RUNX1T1: variants seen among roughly 807,000 people sequenced by gnomAD.
The protein encoded by RUNX1T1 is protein CBFA2T1.
A neutral mutation model predicts 62.8 loss-of-function variants in RUNX1T1; 4 were observed. The ratio of observed to expected loss-of-function variants is 0.06; its 90% CI spans 0.03 to 0.15. RUNX1T1 has a LOEUF of 0.15. RUNX1T1 is among the 10% of genes least tolerant of loss of function. The pLI, the probability that RUNX1T1 is intolerant of heterozygous loss-of-function variation, is 1.00. For synonymous variants in RUNX1T1, 291 were observed against 286.0 expected, an observed-to-expected ratio of 1.02 and a Z score of -0.18; for missense variants, 508 against 754.3, an observed-to-expected ratio of 0.67 and a Z score of 3.82.
chr8:92,079,859 C>T (rs931410845), intron 1 of RUNX1T1, among the ~76,000 whole-genome samples: 2 of 152,196 alleles, frequency 1.3e-5, no homozygotes, highest in Admixed American at 6.5e-5. Flanking sequence ...ACTGACTTCA[C>T]GGCCCTTCCC....
chr8:92,098,011 T>C (rs1837865793), intron 1 of RUNX1T1, among the ~76,000 whole-genome samples: 1 of 152,214 alleles, frequency 6.6e-6, no homozygotes, highest in Non-Finnish European at 1.5e-5. Context: ...TAATTTCAAC[T>C]AGTTCTTTTC....
chr8:92,051,761 T>C (rs1830290254), intron 1 of RUNX1T1, among the ~76,000 whole-genome samples: 1 of 152,076 alleles, frequency 6.6e-6, no homozygotes, highest in Non-Finnish European at 1.5e-5. Flanking sequence ...GCAAGGGATG[T>C]TTCCTCCCCC....
intron 1 of RUNX1T1, among the ~76,000 whole-genome samples, chr8:92,019,343 G>A (rs757438247): frequency 1.3e-5 from 2 of 152,048 alleles, no homozygotes; most frequent in South Asian, 2.1e-4. Flanking sequence ...ACACTCACAC[G>A]GAACTGTTAG....
intron 1 of RUNX1T1, among the ~76,000 whole-genome samples, chr8:92,042,952 ACATTTTTATTCAAG>A (rs1828725005): frequency 6.6e-6 from 1 of 152,114 alleles, no homozygotes; most frequent in Non-Finnish European, 1.5e-5. Context: ...AAAAACAACC[ACATTTTTATTCAAG>A]CATGTGAGCT....
rs1320933692 is a variant in RUNX1T1, at chr8:92,094,997, A to C, written c.-86+4583T>G. The C allele has an allele frequency of 4.0e-6, 6 of 1,503,328 alleles. No homozygotes were observed. The African/African-American group carries it at 6.9e-5, about 17-fold the overall frequency. 93.1% of individuals were successfully genotyped at this position (1,503,328 alleles called of 1,614,324 possible). A position where few individuals can be genotyped will look rare whatever the true frequency, so the allele number is the denominator to read the frequency against. ...TATTCAGACTGGCAAAACTAAACCC[A>C]ATTAAAGATAAGGCCCTCCGGTATT... On this transcript the variant is annotated intron_variant, in intron 1 of 11. Coordinates refer to the RUNX1T1 transcript ENST00000265814.
intron 1 of RUNX1T1, among the ~76,000 whole-genome samples, chr8:92,051,624 ACTCT>A (rs58500025): frequency 3.5e-5 from 4 of 113,146 alleles, no homozygotes; most frequent in East Asian, 4.4e-4. Context: ...TCTCTCTCTC[ACTCT>A]CTCTCTCTCT....
intron 1 of RUNX1T1, 170 bp from the exon 3 acceptor site, chr8:92,017,533 C>T (rs757334092): frequency 1.0e-4 from 158 of 1,506,908 alleles, no homozygotes; most frequent in Non-Finnish European, 1.4e-4. Context: ...CCAAACCCCA[C>T]TTAAGAAGGT....
chr8:92,027,032 C>T (rs1311052248), intron 1 of RUNX1T1, among the ~76,000 whole-genome samples: 21 of 148,646 alleles, frequency 1.4e-4, no homozygotes, highest in Admixed American at 3.4e-4. Context: ...AGGAGAATGG[C>T]GTGAACCCGG....
At chr8:92,020,014 A>G (rs1363586956) in intron 1 of RUNX1T1, among the ~76,000 whole-genome samples, 3 of 152,196 alleles carry the variant, frequency 2.0e-5, no homozygotes, top group African/African-American at 7.2e-5. Context: ...CAGGGTTTTT[A>G]CATTAGCCAA....
rs145074896 is a variant in RUNX1T1, at chr8:91,978,819, C to A, written c.1199-2846G>T. Among the ~76,000 whole-genome samples the A allele has an allele frequency of 5.3e-4, 81 of 152,266 alleles. No individual in the cohort carries two copies. The East Asian group carries it at 0.011, about 21-fold the overall frequency. On this transcript the variant is annotated intron_variant, in intron 8 of 10. Coordinates refer to ENST00000396218, the Ensembl canonical transcript of RUNX1T1. ...CACAGGTGTCTTGGGGGTACATATA[C>A]CACACTGGAAAGTTGTGCAATGTTT...
intron 1 of RUNX1T1, among the ~76,000 whole-genome samples, chr8:92,029,409 A>C (rs2131296282): frequency 6.6e-6 from 1 of 152,296 alleles, no homozygotes; most frequent in South Asian, 2.1e-4. Context: ...ACTGGAGAAA[A>C]GGGGAAAATT....
intron 1 of RUNX1T1, among the ~76,000 whole-genome samples, chr8:92,026,984 C>T (rs1475941831): frequency 4.0e-5 from 6 of 150,478 alleles, no homozygotes; most frequent in East Asian, 2.0e-4. Flanking sequence ...GGCATGGTGG[C>T]GCGCGCCTGT....
At chr8:91,963,147 G>A (rs900344253) in intron 10 of RUNX1T1, among the ~76,000 whole-genome samples, 3 of 152,168 alleles carry the variant, frequency 2.0e-5, no homozygotes, top group African/African-American at 2.4e-5. Flanking sequence ...GTTTTGGATC[G>A]TGAAGCTGCT....
chr8:92,035,986 A>G (rs1342614972), intron 1 of RUNX1T1, among the ~76,000 whole-genome samples: 1 of 152,190 alleles, frequency 6.6e-6, no homozygotes. Flanking sequence ...GAACACATAC[A>G]TAAATTTAAT....
At position 92,037,650 on chromosome 8, in the gene RUNX1T1, G is replaced by A. The variant is rs531613288; in HGVS notation, c.8-20287C>T. Reference sequence around the variant, plus strand: ...GCCATAATCACACCACTGCACTCCAGCCTGGGTGACAGAGGGAATCCATCT... The same window carrying A: ...GCCATAATCACACCACTGCACTCCAACCTGGGTGACAGAGGGAATCCATCT... On this transcript the variant is annotated intron_variant, in intron 1 of 10. Coordinates refer to ENST00000396218, the Ensembl canonical transcript of RUNX1T1. 2.6e-5 allele frequency among the ~76,000 whole-genome samples: 4 copies of A among 152,216 alleles called. No homozygotes were observed. The East Asian group carries it at 7.7e-4, about 29-fold the overall frequency.
At chr8:92,022,060 T>G (rs1365655293) in intron 1 of RUNX1T1, among the ~76,000 whole-genome samples, 1 of 151,902 alleles carries the variant, frequency 6.6e-6, no homozygotes, top group Non-Finnish European at 1.5e-5. Flanking sequence ...GATGGACACA[T>G]GTATATATTA....
chr8:92,071,553 G>A (rs1204549463), intron 2 of RUNX1T1, among the ~76,000 whole-genome samples: 1 of 151,840 alleles, frequency 6.6e-6, no homozygotes, highest in East Asian at 1.9e-4. Flanking sequence ...GGGAGAGCAG[G>A]GGACACAGCA....
exon 6 of RUNX1T1, chr8:91,991,873 A>G: frequency 6.2e-7 from 1 of 1,614,156 alleles, no homozygotes; most frequent in Non-Finnish European, 8.5e-7. Flanking sequence ...TCTCTGTCAA[A>G]GCCATTTTCT....
At chr8:92,083,210 T>C (rs1835552059) in intron 1 of RUNX1T1, among the ~76,000 whole-genome samples, 1 of 152,020 alleles carries the variant, frequency 6.6e-6, no homozygotes. Context: ...GATGGGGTAT[T>C]TTCCAAAAGC....
Sources: allele counts gnomAD v4.1 joint callset (sites outside exome capture counted in the v4.1 genomes callset), GRCh38; gene constraint gnomAD v4.1.1; transcripts MANE v1.5; gene names NCBI Gene and HGNC (gene_info 2026-07-23, HGNC 2026-07-21).